The following ELL2 variants were observed in gnomAD, a reference collection of about 807,000 sequenced individuals.
The protein encoded by ELL2 is elongation factor for RNA polymerase II 2.
A neutral mutation model predicts 72.8 loss-of-function variants in ELL2; 21 were observed. That is an observed-to-expected ratio of 0.29 (90% CI 0.20 to 0.42). The LOEUF (loss-of-function observed/expected upper bound fraction) is 0.42. Among genes scored for constraint, ELL2 ranks in the 10% least tolerant of loss-of-function variants. ELL2 has a pLI of 1.00. For missense variants in ELL2, 568 were observed against 772.8 expected, an observed-to-expected ratio of 0.73 and a Z score of 3.14; for synonymous variants, 266 against 283.2, an observed-to-expected ratio of 0.94 and a Z score of 0.61.
Position 95,887,069 on chromosome 5 carries a change from G to A in ELL2, c.*1802C>T, listed in dbSNP as rs555341037. ...ATTAAAAAGTTTGAAATAAATTAAC[G>A]TTTAATAATGATTGTACCAATTCTG... On this transcript the variant is annotated 3_prime_UTR_variant, in exon 12 of 12. Coordinates refer to ENST00000237853, the MANE Select transcript of ELL2 (RefSeq NM_012081.6). The A allele has an allele frequency of 1.3e-4, 20 of 152,066 alleles. No homozygotes were observed. Among genetic ancestry groups the A allele is most frequent in the African/African-American group, 2.4e-4 (10 of 41,492 alleles). 9.4% of individuals were successfully genotyped at this position (152,066 alleles called of 1,614,324 possible). A position where few individuals can be genotyped will look rare whatever the true frequency, so the allele number is the denominator to read the frequency against.
chr5:95,941,135 C>A (rs1304547192), intron 2 of ELL2, among the ~76,000 whole-genome samples: 1 of 152,182 alleles, frequency 6.6e-6, no homozygotes. Flanking sequence ...CTCCACTCCT[C>A]ATCTACTCTA....
chr5:95,946,528 CCT>C (rs1751165694), intron 1 of ELL2, among the ~76,000 whole-genome samples: 1 of 152,158 alleles, frequency 6.6e-6, no homozygotes, highest in Non-Finnish European at 1.5e-5. Flanking sequence ...GCCAGCAGAA[CCT>C]CTCTCATATA....
chr5:95,891,267 T>C lies in ELL2; in HGVS notation c.1597A>G (p.Ile533Val), dbSNP rs756349531. Residue 533 changes from isoleucine (I) to valine (V), a missense_variant, in exon 10 of 12, where the codon ATC (isoleucine) becomes GTC (valine). Transcript: ENST00000237853. ...IELPDYLIKY[I>V]AIVSYEQRQN... ...CGTTGCTCATAGGAGACGATAGCGA[T>C]ATATTTTCTAATAAGAAAAAAGATA... The C allele has an allele frequency of 5.6e-6, 9 of 1,600,836 alleles. No individual in the cohort carries two copies. The Admixed American group carries it at 8.7e-5, about 16-fold the overall frequency.
intron 5 of ELL2, among the ~76,000 whole-genome samples, chr5:95,903,927 C>T (rs569031952): frequency 6.6e-6 from 1 of 152,298 alleles, no homozygotes; most frequent in African/African-American, 2.4e-5. Context: ...AAAAACCTAG[C>T]TATAATCACA....
At chr5:95,914,365 C>T (rs552182458) in intron 3 of ELL2, among the ~76,000 whole-genome samples, 7 of 152,128 alleles carry the variant, frequency 4.6e-5, no homozygotes, top group African/African-American at 1.7e-4. Context: ...ACCACACATT[C>T]TTTTTTATTT....
At chr5:95,953,301 G>T (rs867607055) in intron 1 of ELL2, among the ~76,000 whole-genome samples, 1 of 152,122 alleles carries the variant, frequency 6.6e-6, no homozygotes, top group South Asian at 2.1e-4. Context: ...GTGAACAAAC[G>T]AATATTTGGT....
In ELL2 at chr5:95,889,826, T is replaced by TA. The variant is rs531544606; in HGVS notation, c.1762-697dup. 1.5e-3 allele frequency among the ~76,000 whole-genome samples: 220 copies of TA among 147,086 alleles called. 2 individuals are homozygous for TA. The highest frequency in any genetic ancestry group is 0.012 in the Admixed American group (168 of 14,288). ...TACATACATGCACATATCACACACA[T>TA]AAACACACTTCGAAAGAATACACTG... On this transcript the variant is annotated intron_variant, in intron 10 of 11. Coordinates refer to ENST00000237853, the MANE Select transcript of ELL2 (RefSeq NM_012081.6).
chr5:95,959,057 A>C (rs1751719335), intron 1 of ELL2, among the ~76,000 whole-genome samples: 1 of 152,194 alleles, frequency 6.6e-6, no homozygotes, highest in African/African-American at 2.4e-5. Flanking sequence ...TATAGGAAGC[A>C]GAAATGAAGG....
chr5:95,947,419 A>AT (rs1352065790), intron 1 of ELL2, among the ~76,000 whole-genome samples: 1 of 152,218 alleles, frequency 6.6e-6, no homozygotes, highest in Non-Finnish European at 1.5e-5. Context: ...TGACATGCTT[A>AT]TAGTTCTACC....
chr5:95,949,280 T>G (rs1259310062), intron 1 of ELL2, among the ~76,000 whole-genome samples: 1 of 152,158 alleles, frequency 6.6e-6, no homozygotes, highest in Non-Finnish European at 1.5e-5. Context: ...TTTTTGGAGT[T>G]GAATAAAAAA....
intron 3 of ELL2, among the ~76,000 whole-genome samples, chr5:95,915,608 G>A (rs1228268841): frequency 6.6e-6 from 1 of 151,966 alleles, no homozygotes; most frequent in Non-Finnish European, 1.5e-5. Flanking sequence ...TGGACAAACT[G>A]GAAATCATAA....
chr5:95,926,049 G>C (rs1337333337), intron 2 of ELL2, among the ~76,000 whole-genome samples: 1 of 152,072 alleles, frequency 6.6e-6, no homozygotes, highest in Non-Finnish European at 1.5e-5. Context: ...AGGCTCCACA[G>C]TTTAGGGACA....
chr5:95,959,711 A>G (rs1301090668), intron 1 of ELL2, among the ~76,000 whole-genome samples: 2 of 152,060 alleles, frequency 1.3e-5, no homozygotes, highest in Admixed American at 1.3e-4. Context: ...GTAGGACGGT[A>G]CCTTTCTCCC....
rs1748440315 is a variant in ELL2, at chr5:95,885,738, T to A, written c.*3133A>T. The A allele has an allele frequency of 1.3e-5, 2 of 152,214 alleles. No homozygotes were observed. The allele number at this position is 152,214 out of a possible 1,614,324, so 9.4% of individuals were successfully genotyped here. On this transcript the variant is annotated 3_prime_UTR_variant, in exon 12 of 12. Coordinates refer to ENST00000237853, the MANE Select transcript of ELL2 (RefSeq NM_012081.6). ...GAAAAGAAAACTCCTATAAAGCTTA[T>A]AAGATCAGAAAAAATTAATACTGAA...
At chr5:95,948,429 C>CAAAAAAAAAAAAAAAAAAA (rs1187881368) in intron 1 of ELL2, among the ~76,000 whole-genome samples, 4 of 35,230 alleles carry the variant, frequency 1.1e-4, no homozygotes, top group African/African-American at 3.6e-4. Flanking sequence ...GACTCCGCCT[C>CAAAAAAAAAAAAAAAAAAA]AAAAAAAAAA....
In ELL2 at chr5:95,924,066, T is replaced by C. The variant is rs144429295; in HGVS notation, c.196-4521A>G. The stretch of plus-strand genomic sequence containing the variant: ...AGAGGGAAGCTTTAGAACTAAACTA[T>C]GGCAACTTCAGAGCAGACCAGAACC... On this transcript the variant is annotated intron_variant, in intron 2 of 11. Coordinates refer to ENST00000237853, the MANE Select transcript of ELL2 (RefSeq NM_012081.6). Among the ~76,000 whole-genome samples the C allele has an allele frequency of 2.0e-3, 311 of 152,262 alleles. 3 individuals carry two copies. Among genetic ancestry groups the C allele is most frequent in the African/African-American group, 6.9e-3 (286 of 41,556 alleles).
chr5:95,936,240 T>G lies in ELL2; in HGVS notation c.195+6762A>C, dbSNP rs1580523927. Among the ~76,000 whole-genome samples, 4 of 152,362 alleles carry G rather than the reference T, an allele frequency of 2.6e-5. No individual in the cohort carries two copies. In the South Asian group the frequency reaches 8.3e-4, roughly 32 times the overall value. On this transcript the variant is annotated intron_variant, in intron 2 of 11. Coordinates refer to ENST00000237853, the MANE Select transcript of ELL2 (RefSeq NM_012081.6). ...AGGCCACTCATTTACTGATGTAGTT[T>G]TCTCATATTAGAGAGGTCAGAGGTT...
rs998504163 is a variant in ELL2, at chr5:95,898,526, G to A, written c.1239C>T (p.Asp413=). ...EGRGTQDLPV[D]SFSQNDSIYE... is the part of the protein sequence containing the mutation. ...AGATACTATCGTTTTGACTAAAACT[G>A]TCAACAGGTAGGTCTTGAGTCCCCC... Residue 413 remains aspartate, a synonymous_variant, in exon 8 of 12, where the codon GAC becomes GAT. Coordinates refer to ENST00000237853, the MANE Select transcript of ELL2 (RefSeq NM_012081.6). 6.2e-7 allele frequency: 1 copy of A among 1,614,128 alleles called. No individual in the cohort carries two copies. The highest frequency in any genetic ancestry group is 1.3e-5 in the African/African-American group (1 of 75,020).
rs1384061332 is a variant in ELL2, at chr5:95,950,945, TATATATATAA to T, written c.148-7906_148-7897del. Among the ~76,000 whole-genome samples, 397 of 104,604 alleles carry T rather than the reference TATATATATAA, an allele frequency of 3.8e-3. 5 individuals carry two copies. The highest frequency in any genetic ancestry group is 0.014 in the African/African-American group (364 of 26,794). The allele number at this position is 104,604 out of a possible 152,430, so 68.6% of individuals were successfully genotyped here. The stretch of plus-strand genomic sequence containing the variant: ...ATATATATATATATATATATATATA[TATATATATAA>T]AATCTTCATATATATGGTTGTCTTA... On this transcript the variant is annotated intron_variant, in intron 1 of 11. Coordinates refer to ENST00000237853, the MANE Select transcript of ELL2 (RefSeq NM_012081.6).
Sources: gnomAD v4.1 joint callset for allele counts (sites outside exome capture counted in the v4.1 genomes callset) on GRCh38, gnomAD v4.1.1 for gene constraint, MANE v1.5 for transcripts, NCBI Gene and HGNC (gene_info 2026-07-23, HGNC 2026-07-21) for gene names.